NAA15: variants seen among roughly 807,000 people sequenced by gnomAD.
The protein encoded by NAA15 is N-alpha-acetyltransferase 15, NatA auxiliary subunit.
Under a neutral mutation model 114.0 loss-of-function variants are expected in NAA15, and 34 were observed. That is an observed-to-expected ratio of 0.30 (90% CI 0.23 to 0.40). The LOEUF is 0.40. NAA15 is among the 10% of genes least tolerant of loss of function. NAA15 has a pLI of 1.00. For missense variants in NAA15, 658 were observed against 1,004.5 expected, an observed-to-expected ratio of 0.66 and a Z score of 4.66; for synonymous variants, 340 against 338.0, an observed-to-expected ratio of 1.01 and a Z score of -0.06.
chr4:139,351,163 A>G (rs1277414157), intron 7 of NAA15, 28 bp from the exon 8 acceptor site: 6 of 1,264,942 alleles, frequency 4.7e-6, no homozygotes, highest in African/African-American at 3.0e-5. Context: ...ATGATTATAT[A>G]TAACAAAGAA....
chr4:139,354,664 C>T (rs1747884669), intron 10 of NAA15, among the ~76,000 whole-genome samples: 2 of 152,152 alleles, frequency 1.3e-5, no homozygotes, highest in Non-Finnish European at 2.9e-5. Flanking sequence ...CTAAATGCAA[C>T]AGTATAATAA....
At chr4:139,350,575 A>G (rs1747743113) in intron 7 of NAA15, among the ~76,000 whole-genome samples, 2 of 152,216 alleles carry the variant, frequency 1.3e-5, no homozygotes, top group East Asian at 3.8e-4. Context: ...TGTTTCCTTC[A>G]AGGCTAGTTG....
At chr4:139,361,656 C>A in intron 13 of NAA15, 68 bp from the exon 14 acceptor site, 1 of 968,554 alleles carries the variant, frequency 1.0e-6, no homozygotes, top group South Asian at 1.9e-5. Flanking sequence ...TATTCCAATG[C>A]TTTGATTTTA....
At chr4:139,379,960 G>A (rs1362763212) in intron 17 of NAA15, among the ~76,000 whole-genome samples, 1 of 152,098 alleles carries the variant, frequency 6.6e-6, no homozygotes, top group East Asian at 1.9e-4. Flanking sequence ...CAGGAGAATC[G>A]CTTGAACTTG....
chr4:139,331,617 A>ATTTTTTTTTTTTTTTTTT (rs34467609), intron 1 of NAA15, among the ~76,000 whole-genome samples: 1 of 127,864 alleles, frequency 7.8e-6, no homozygotes, highest in Non-Finnish European at 1.6e-5. Flanking sequence ...TGCCCGGCTA[A>ATTTTTTTTTTTTTTTTTT]TTTTTTTTTT....
chr4:139,348,319 T>TG (rs1747662943), intron 6 of NAA15, among the ~76,000 whole-genome samples: 1 of 152,040 alleles, frequency 6.6e-6, no homozygotes, highest in Non-Finnish European at 1.5e-5. Context: ...CCAGGCATGG[T>TG]GGCACATGCC....
intron 1 of NAA15, among the ~76,000 whole-genome samples, chr4:139,329,394 T>C (rs1180126319): frequency 1.3e-5 from 2 of 152,204 alleles, no homozygotes; most frequent in Non-Finnish European, 2.9e-5. Context: ...CTATTGGATG[T>C]TATACATTAT....
At chr4:139,307,373 A>G (rs536303656) in intron 1 of NAA15, among the ~76,000 whole-genome samples, 2 of 152,282 alleles carry the variant, frequency 1.3e-5, no homozygotes, top group African/African-American at 2.4e-5. Context: ...GGCTCAAGCT[A>G]TCCTCCTAGC....
chr4:139,364,766 T>C (rs1407428717), intron 14 of NAA15, among the ~76,000 whole-genome samples: 3 of 152,210 alleles, frequency 2.0e-5, no homozygotes, highest in Non-Finnish European at 4.4e-5. Context: ...TGCTTATGCA[T>C]ACACGGTAGA....
intron 1 of NAA15, among the ~76,000 whole-genome samples, chr4:139,328,015 A>G (rs1332927927): frequency 6.6e-6 from 1 of 152,170 alleles, no homozygotes; most frequent in Non-Finnish European, 1.5e-5. Context: ...TTTATTATGA[A>G]GAAAGGTCAC....
At chr4:139,338,952 A>G (rs1747288726) in intron 3 of NAA15, among the ~76,000 whole-genome samples, 1 of 152,126 alleles carries the variant, frequency 6.6e-6, no homozygotes, top group Non-Finnish European at 1.5e-5. Context: ...CTGGGAATAC[A>G]GGTGCATGCC....
chr4:139,347,835 A>G (rs1274034449), intron 6 of NAA15, among the ~76,000 whole-genome samples: 1 of 150,250 alleles, frequency 6.7e-6, no homozygotes, highest in Non-Finnish European at 1.5e-5. Context: ...GATCGAGACC[A>G]TCCTGGCTAA....
intron 1 of NAA15, among the ~76,000 whole-genome samples, chr4:139,308,396 C>T (rs1361843728): frequency 1.3e-5 from 2 of 152,120 alleles, no homozygotes; most frequent in East Asian, 3.8e-4. Flanking sequence ...AGTAGGTGTC[C>T]ATATGCACAT....
intron 17 of NAA15, among the ~76,000 whole-genome samples, chr4:139,384,478 T>C (rs1025838398): frequency 6.6e-6 from 1 of 150,810 alleles, no homozygotes. Flanking sequence ...CTTGTCTGTC[T>C]CAATCAGTCA....
At chr4:139,308,645 C>G (rs1746107787) in intron 1 of NAA15, among the ~76,000 whole-genome samples, 1 of 152,190 alleles carries the variant, frequency 6.6e-6, no homozygotes, top group Non-Finnish European at 1.5e-5. Flanking sequence ...GTCGTCCAGG[C>G]TGGAGTACAG....
chr4:139,334,221 A>T lies in NAA15; in HGVS notation c.102A>T (p.Lys34Asn). The T allele has an allele frequency of 6.2e-7, 1 of 1,605,242 alleles. No homozygotes were observed. Among genetic ancestry groups the T allele is most frequent in the Non-Finnish European group, 8.5e-7 (1 of 1,176,854 alleles). The change falls in exon 2 of 20, where the codon AAA becomes AAT. Residue 34 changes from lysine to asparagine, a missense_variant. Lys to Asn is a moderately conservative substitution (Grantham distance 94). Coordinates refer to ENST00000296543, the MANE Select transcript of NAA15 (RefSeq NM_057175.5). ...ATAGAAATGGATTGAAATTCTGTAAACAAATACTTTCTAATCCCAAATTTG... is the reference window on the plus strand; with the variant it reads ...ATAGAAATGGATTGAAATTCTGTAATCAAATACTTTCTAATCCCAAATTTG... ...KQYRNGLKFC[K>N]QILSNPKFAE... is the part of the protein sequence containing the mutation.
intron 17 of NAA15, among the ~76,000 whole-genome samples, chr4:139,382,434 T>C (rs745356450): frequency 6.6e-6 from 1 of 152,118 alleles, no homozygotes; most frequent in African/African-American, 2.4e-5. Flanking sequence ...TAAAAAAAGA[T>C]AATGAAAACC....
At chr4:139,316,565 T>A (rs1746417010) in intron 1 of NAA15, among the ~76,000 whole-genome samples, 1 of 151,938 alleles carries the variant, frequency 6.6e-6, no homozygotes, top group Non-Finnish European at 1.5e-5. Context: ...GCGATGGATA[T>A]GGTGATATTA....
At chr4:139,315,086 G>T (rs1336011413) in intron 1 of NAA15, among the ~76,000 whole-genome samples, 1 of 99,620 alleles carries the variant, frequency 1.0e-5, no homozygotes, top group Non-Finnish European at 1.9e-5. Flanking sequence ...TTTTTGAGAC[G>T]GAGTCTCGCT....
Sources: gnomAD v4.1 joint callset for allele counts (sites outside exome capture counted in the v4.1 genomes callset) on GRCh38, gnomAD v4.1.1 for gene constraint, MANE v1.5 for transcripts, NCBI Gene and HGNC (gene_info 2026-07-23, HGNC 2026-07-21) for gene names.